Variants in SGCZ observed in about 807,000 individuals in gnomAD.
The protein encoded by SGCZ is zeta-sarcoglycan.
SGCZ carries 40 observed loss-of-function variants against 41.3 expected under a neutral mutation model. The ratio of observed to expected loss-of-function variants is 0.97; its 90% CI spans 0.75 to 1.26. The LOEUF is 1.26. SGCZ is among the 50% of genes most tolerant of loss of function. SGCZ has a pLI of 0.00. For missense variants in SGCZ, 552 were observed against 369.8 expected (o/e 1.49, Z -4.04); for synonymous variants, 206 against 137.5 (o/e 1.50, Z -3.49).
At chr8:14,726,628 TTAA>T (rs1158057366) in intron 1 of SGCZ, among the ~76,000 whole-genome samples, 2 of 151,952 alleles carry the variant, frequency 1.3e-5, no homozygotes, top group Non-Finnish European at 2.9e-5. Context: ...TGAGAAATTA[TTAA>T]TAACTATGTA....
In SGCZ at chr8:15,238,175, C is replaced by G. The variant is rs976858260; in HGVS notation, c.-552G>C. ...GGCAAGATAACAGAATCCCCGAAGT[C>G]CTGCATAGACTTAAAAAATGTCTTG... On this transcript the variant is annotated 5_prime_UTR_variant, in exon 1 of 8. Coordinates refer to ENST00000382080, the MANE Select transcript of SGCZ (RefSeq NM_139167.4). The G allele has an allele frequency of 4.6e-5, 7 of 152,464 alleles. No individual in the cohort carries two copies. Among genetic ancestry groups the G allele is most frequent in the African/African-American group, 1.7e-4 (7 of 41,418 alleles). The allele number at this position is 152,464 out of a possible 1,614,324, so 9.4% of individuals were successfully genotyped here.
intron 1 of SGCZ, among the ~76,000 whole-genome samples, chr8:14,737,522 A>G (rs547389373): frequency 6.6e-6 from 1 of 152,254 alleles, no homozygotes; most frequent in South Asian, 2.1e-4. Context: ...TAGGGCTGAT[A>G]TAACAAAATG....
At chr8:15,186,581 G>A (rs1453521921) in intron 1 of SGCZ, among the ~76,000 whole-genome samples, 1 of 152,062 alleles carries the variant, frequency 6.6e-6, no homozygotes, top group Non-Finnish European at 1.5e-5. Context: ...TCTATTTGTT[G>A]ATTCCCATAT....
At chr8:14,238,826 T>A (rs972056911) in intron 3 of SGCZ, among the ~76,000 whole-genome samples, 1 of 152,106 alleles carries the variant, frequency 6.6e-6, no homozygotes, top group African/African-American at 2.4e-5. Context: ...TGAAATACTA[T>A]GAAAATCTCC....
chr8:14,261,003 CGA>C (rs1182162648), intron 3 of SGCZ, among the ~76,000 whole-genome samples: 1 of 151,980 alleles, frequency 6.6e-6, no homozygotes, highest in Non-Finnish European at 1.5e-5. Context: ...CGCTAGATGA[CGA>C]GTTAGTGGGT....
chr8:14,618,271 T>G (rs1315155226), intron 1 of SGCZ, among the ~76,000 whole-genome samples: 1 of 152,108 alleles, frequency 6.6e-6, no homozygotes, highest in Non-Finnish European at 1.5e-5. Context: ...AGGAAAGAAA[T>G]AGAGCAGAAT....
chr8:14,449,367 T>A (rs1031615433), intron 2 of SGCZ, among the ~76,000 whole-genome samples: 1 of 152,212 alleles, frequency 6.6e-6, no homozygotes, highest in African/African-American at 2.4e-5. Context: ...ATACCATGGC[T>A]GTGGCACATG....
At chr8:14,912,576 A>G (rs1467756052) in intron 1 of SGCZ, among the ~76,000 whole-genome samples, 3 of 152,100 alleles carry the variant, frequency 2.0e-5, no homozygotes, top group Non-Finnish European at 4.4e-5. Context: ...CCAAGTTGTC[A>G]TGGTTACTTA....
At chr8:15,052,004 T>C (rs1804532325) in intron 1 of SGCZ, among the ~76,000 whole-genome samples, 1 of 152,012 alleles carries the variant, frequency 6.6e-6, no homozygotes, top group Non-Finnish European at 1.5e-5. Context: ...AATGTTGAAG[T>C]CACAACATTA....
chr8:14,757,269 G>A (rs1394494477), intron 1 of SGCZ, among the ~76,000 whole-genome samples: 3 of 152,106 alleles, frequency 2.0e-5, no homozygotes, highest in African/African-American at 4.8e-5. Flanking sequence ...GGCTGGACTC[G>A]AACCCCTGAC....
At chr8:14,847,126 A>AAGAAGAAAGAAGAAGAAG (rs761276429) in intron 1 of SGCZ, among the ~76,000 whole-genome samples, 2 of 126,448 alleles carry the variant, frequency 1.6e-5, no homozygotes, top group Middle Eastern at 4.0e-3. Context: ...GAAGAAGAAG[A>AAGAAGAAAGAAGAAGAAG]AAGAAGAAGA....
intron 1 of SGCZ, among the ~76,000 whole-genome samples, chr8:15,208,900 TATAG>T (rs1563184833): frequency 1.5e-5 from 2 of 129,264 alleles, no homozygotes; most frequent in African/African-American, 5.6e-5. Flanking sequence ...TATACATATA[TATAG>T]AGAGAGAGAG....
At chr8:14,278,530 A>T (rs998294331) in intron 3 of SGCZ, among the ~76,000 whole-genome samples, 4 of 152,142 alleles carry the variant, frequency 2.6e-5, no homozygotes, top group African/African-American at 9.7e-5. Flanking sequence ...CCAACTACTC[A>T]AAGTTATAGC....
At chr8:14,271,044 T>C (rs1563225610) in intron 3 of SGCZ, among the ~76,000 whole-genome samples, 1 of 152,070 alleles carries the variant, frequency 6.6e-6, no homozygotes, top group Non-Finnish European at 1.5e-5. Flanking sequence ...CTGGGGCCTG[T>C]TGTGAGGTGG....
At chr8:14,935,393 A>G (rs1194606353) in intron 1 of SGCZ, among the ~76,000 whole-genome samples, 1 of 150,908 alleles carries the variant, frequency 6.6e-6, no homozygotes, top group African/African-American at 2.5e-5. Flanking sequence ...TTATTTATCC[A>G]TTCACCTGTT....
intron 3 of SGCZ, among the ~76,000 whole-genome samples, chr8:14,292,541 G>A (rs1800876631): frequency 6.6e-6 from 1 of 152,058 alleles, no homozygotes; most frequent in South Asian, 2.1e-4. Flanking sequence ...GAAGAGACAT[G>A]CTGTTGACGA....
chr8:14,470,108 T>C (rs2116975726), intron 2 of SGCZ, among the ~76,000 whole-genome samples: 1 of 152,106 alleles, frequency 6.6e-6, no homozygotes, highest in African/African-American at 2.4e-5. Context: ...ATCTGTGAGG[T>C]CTGATGCTGT....
At chr8:14,274,482 C>T (rs1800165289) in intron 3 of SGCZ, among the ~76,000 whole-genome samples, 1 of 152,162 alleles carries the variant, frequency 6.6e-6, no homozygotes, top group Non-Finnish European at 1.5e-5. Flanking sequence ...TTTCAGAACA[C>T]AAGTTTAGGT....
chr8:14,366,964 A>C (rs990108718), intron 2 of SGCZ, among the ~76,000 whole-genome samples: 1 of 152,140 alleles, frequency 6.6e-6, no homozygotes, highest in African/African-American at 2.4e-5. Context: ...TTCATTACTT[A>C]TGCAAATTTC....
Sources: allele counts gnomAD v4.1 joint callset (sites outside exome capture counted in the v4.1 genomes callset), GRCh38; gene constraint gnomAD v4.1.1; transcripts MANE v1.5; gene names NCBI Gene and HGNC (gene_info 2026-07-23, HGNC 2026-07-21).